The following STIM1 variants were observed in gnomAD, a reference collection of about 807,000 sequenced individuals.
The protein encoded by STIM1 is stromal interaction molecule 1.
Under a neutral mutation model 74.7 loss-of-function variants are expected in STIM1, and 25 were observed. The ratio of observed to expected loss-of-function variants is 0.33; its 90% CI spans 0.24 to 0.47. The LOEUF is 0.47. Ranked by LOEUF, STIM1 falls within the 20% of genes least tolerant of loss-of-function variation. The pLI is 1.00. For synonymous variants in STIM1, 328 were observed against 348.8 expected, an observed-to-expected ratio of 0.94 and a Z score of 0.66; for missense variants, 728 against 920.8, an observed-to-expected ratio of 0.79 and a Z score of 2.71.
intron 1 of STIM1, among the ~76,000 whole-genome samples, chr11:3,919,982 G>A (rs1221995244): frequency 6.6e-6 from 1 of 152,116 alleles, no homozygotes; most frequent in Non-Finnish European, 1.5e-5. Context: ...GGAGGCTAAG[G>A]TGAGAGGATT....
intron 1 of STIM1, among the ~76,000 whole-genome samples, chr11:3,861,012 A>G (rs1309371674): frequency 6.6e-6 from 1 of 152,136 alleles, no homozygotes; most frequent in Non-Finnish European, 1.5e-5. Flanking sequence ...AGGTGGCTGC[A>G]GAGGGCTTCC....
In STIM1 at chr11:4,055,618, A is replaced by G. The variant is rs1201201885; in HGVS notation, c.478A>G (p.Ser160Gly). The G allele has an allele frequency of 1.3e-6, 2 of 1,590,694 alleles. No individual in the cohort carries two copies. Among genetic ancestry groups the G allele is most frequent in the South Asian group, 2.3e-5 (2 of 87,056 alleles). The change falls in exon 4 of 13, where the codon AGT becomes GGT. Residue 160 changes from serine (S) to glycine (G), a missense_variant. Transcript: ENST00000526596. ...GGAGACCTTCCGGAAGCTGCAGCTCAGTGGCCATGCCATGCCAAGGTCAGG... is the reference window on the plus strand; with the variant it reads ...GGAGACCTTCCGGAAGCTGCAGCTCGGTGGCCATGCCATGCCAAGGTCAGG... Reference protein sequence around the residue: ...YEETFRKLQLSGHAMPRLAVT... With the variant: ...YEETFRKLQLGGHAMPRLAVT...
chr11:4,083,631 A>G (rs961224825), intron 10 of STIM1, 133 bp downstream of exon 10: 1 of 825,260 alleles, frequency 1.2e-6, no homozygotes, highest in Non-Finnish European at 2.0e-6. Context: ...GACCTTGGTC[A>G]ATAAAGCACA....
chr11:3,979,640 A>G (rs562091601), intron 2 of STIM1, among the ~76,000 whole-genome samples: 6 of 152,090 alleles, frequency 3.9e-5, no homozygotes, highest in African/African-American at 1.2e-4. Context: ...GGGTCTTGCT[A>G]TGTTGCCAAG....
At chr11:3,909,539 A>AT (rs2092525478) in intron 1 of STIM1, among the ~76,000 whole-genome samples, 1 of 152,098 alleles carries the variant, frequency 6.6e-6, no homozygotes, top group Non-Finnish European at 1.5e-5. Context: ...AAGTCATCTT[A>AT]TGGGGCTGGG....
At chr11:3,962,622 G>T (rs1291977086) in intron 1 of STIM1, among the ~76,000 whole-genome samples, 2 of 151,882 alleles carry the variant, frequency 1.3e-5, no homozygotes, top group African/African-American at 4.8e-5. Flanking sequence ...TTATCCTTTG[G>T]CTAGCTGCCT....
chr11:4,002,677 G>A (rs1481633020), intron 2 of STIM1, among the ~76,000 whole-genome samples: 13 of 148,116 alleles, frequency 8.8e-5, no homozygotes, highest in African/African-American at 2.8e-4. Flanking sequence ...AATTAAAAGA[G>A]CTAGAAAAGC....
intron 3 of STIM1, among the ~76,000 whole-genome samples, chr11:4,047,283 C>A (rs999709044): frequency 9.9e-5 from 15 of 151,964 alleles, no homozygotes; most frequent in Admixed American, 9.8e-4. Flanking sequence ...AGTTCTAGAC[C>A]AGCCTGGGCA....
intron 2 of STIM1, chr11:3,973,784 G>A: frequency 3.3e-6 from 1 of 306,642 alleles, no homozygotes; most frequent in South Asian, 5.0e-5. Context: ...TGTGCGCATG[G>A]CTCACTGTAG....
At chr11:4,079,489 G>A (rs1194600236) in intron 7 of STIM1, among the ~76,000 whole-genome samples, 2 of 150,936 alleles carry the variant, frequency 1.3e-5, no homozygotes, top group South Asian at 2.1e-4. Flanking sequence ...CAGGAGAATC[G>A]CTTGAACCTG....
intron 1 of STIM1, among the ~76,000 whole-genome samples, chr11:3,880,696 G>A (rs2091468198): frequency 6.6e-6 from 1 of 151,962 alleles, no homozygotes; most frequent in East Asian, 1.9e-4. Context: ...TCAGACCATC[G>A]TGCGATGGTT....
chr11:3,900,597 T>C (rs1242342824), intron 1 of STIM1, among the ~76,000 whole-genome samples: 8 of 152,208 alleles, frequency 5.3e-5, no homozygotes, highest in Non-Finnish European at 7.3e-5. Flanking sequence ...GTTTGTTTGT[T>C]TTTTGAGACA....
intron 1 of STIM1, among the ~76,000 whole-genome samples, chr11:3,951,350 A>G (rs1171760770): frequency 6.6e-6 from 1 of 152,202 alleles, no homozygotes; most frequent in African/African-American, 2.4e-5. Flanking sequence ...AAGAGGGGCC[A>G]GTTATCTTTC....
intron 1 of STIM1, among the ~76,000 whole-genome samples, chr11:3,878,487 A>G (rs1342361896): frequency 1.3e-5 from 2 of 152,072 alleles, no homozygotes; most frequent in African/African-American, 4.8e-5. Context: ...ATGAAAGATA[A>G]TTATTACTTC....
intron 1 of STIM1, among the ~76,000 whole-genome samples, chr11:3,881,091 TAAA>T (rs1169148093): frequency 3.8e-5 from 5 of 130,784 alleles, no homozygotes; most frequent in African/African-American, 5.7e-5. Flanking sequence ...GGCCGTTTAT[TAAA>T]AAAAAAAAAA....
chr11:3,856,275 A>G lies in STIM1; in HGVS notation c.5A>G (p.Asp2Gly). The change falls in exon 1 of 13, where the codon GAT (aspartate) becomes GGT (glycine). Residue 2 changes from aspartate to glycine, a missense_variant. Around this residue, in one of 5 missense-constraint regions of STIM1, gnomAD observed 62 missense variants for 55.5 expected, o/e 1.12. Coordinates refer to ENST00000526596, the MANE Select transcript of STIM1 (RefSeq NM_001382567.1). M[D>G]VCVRLALWLL... ...TGTTGACTGAGACCTAGAGTCATGG[A>G]TGTATGCGTCCGTCTTGCCCTGTGG... The G allele has an allele frequency of 1.2e-6, 2 of 1,614,090 alleles. No homozygotes were observed. Among genetic ancestry groups the G allele is most frequent in the Non-Finnish European group, 8.5e-7 (1 of 1,180,018 alleles).
At chr11:4,004,278 G>A (rs1364607680) in intron 2 of STIM1, among the ~76,000 whole-genome samples, 1 of 152,134 alleles carries the variant, frequency 6.6e-6, no homozygotes, top group Non-Finnish European at 1.5e-5. Context: ...ACATCGCCAA[G>A]TCAATCCTAA....
chr11:3,942,504 C>G (rs1475398704), intron 1 of STIM1, among the ~76,000 whole-genome samples: 1 of 152,100 alleles, frequency 6.6e-6, no homozygotes, highest in Non-Finnish European at 1.5e-5. Flanking sequence ...TCCTGAGAAC[C>G]TACCCTATCC....
chr11:3,865,454 C>T (rs559255157), intron 1 of STIM1, among the ~76,000 whole-genome samples: 4 of 152,242 alleles, frequency 2.6e-5, no homozygotes, highest in Admixed American at 6.5e-5. Context: ...TTATGTTCAC[C>T]GAAATTGGTC....
Sources: allele counts gnomAD v4.1 joint callset (sites outside exome capture counted in the v4.1 genomes callset), GRCh38; gene constraint gnomAD v4.1.1; regional missense constraint gnomAD v4.1.1; transcripts MANE v1.5; gene names NCBI Gene and HGNC (gene_info 2026-07-23, HGNC 2026-07-21).